Variants in TENM3 observed in about 807,000 individuals in gnomAD.
TENM3 encodes the protein teneurin-3.
TENM3 carries 63 observed loss-of-function variants against 255.1 expected under a neutral mutation model. That is an observed-to-expected ratio of 0.25 (90% CI 0.20 to 0.30). The LOEUF (loss-of-function observed/expected upper bound fraction) is 0.30. Among genes scored for constraint, TENM3 ranks in the 10% least tolerant of loss-of-function variants. The pLI, the probability that TENM3 is intolerant of heterozygous loss-of-function variation, is 1.00. For synonymous variants in TENM3, 1,306 were observed against 1,322.3 expected, an observed-to-expected ratio of 0.99 and a Z score of 0.27; for missense variants, 2,929 against 3,461.1, an observed-to-expected ratio of 0.85 and a Z score of 3.86.
At chr4:182,335,374 A>G (rs1249196870) in intron 2 of TENM3, among the ~76,000 whole-genome samples, 1 of 145,798 alleles carries the variant, frequency 6.9e-6, no homozygotes. Flanking sequence ...AGGCGCCTGT[A>G]GTCCCAGCTG....
the TENM3 span, among the ~76,000 whole-genome samples, chr4:181,718,935 G>A: frequency 2.0e-5 from 3 of 152,146 alleles, no homozygotes; most frequent in African/African-American, 4.8e-5. Flanking sequence ...GGCCGGGCGC[G>A]GCGGCTCACG....
At chr4:182,186,619 C>T (rs1753167023) in intron 1 of TENM3, among the ~76,000 whole-genome samples, 1 of 150,446 alleles carries the variant, frequency 6.6e-6, no homozygotes, top group African/African-American at 2.4e-5. Flanking sequence ...TTTCACACAG[C>T]CAATGTATTG....
chr4:182,197,414 A>G (rs932894717), intron 1 of TENM3, among the ~76,000 whole-genome samples: 2 of 152,206 alleles, frequency 1.3e-5, no homozygotes, highest in African/African-American at 4.8e-5. Flanking sequence ...TAACAAAAGA[A>G]GTTCAGGGGT....
the TENM3 span, among the ~76,000 whole-genome samples, chr4:181,619,316 G>A: frequency 6.6e-6 from 1 of 152,092 alleles, no homozygotes; most frequent in Non-Finnish European, 1.5e-5. Flanking sequence ...GATCCTGTTT[G>A]TGTGATCTAT....
At chr4:181,466,176 G>C in the TENM3 span, among the ~76,000 whole-genome samples, 4 of 146,110 alleles carry the variant, frequency 2.7e-5, no homozygotes, top group Non-Finnish European at 6.0e-5. Flanking sequence ...AGAGTGTAAT[G>C]GTGCGATCTC....
At chr4:181,585,503 T>C in the TENM3 span, among the ~76,000 whole-genome samples, 1 of 152,202 alleles carries the variant, frequency 6.6e-6, no homozygotes, top group African/African-American at 2.4e-5. Flanking sequence ...TTAAATGTGA[T>C]GATATACTAA....
intron 3 of TENM3, among the ~76,000 whole-genome samples, chr4:182,567,821 T>TC: frequency 9.6e-6 from 1 of 104,680 alleles, no homozygotes; most frequent in East Asian, 2.8e-4. Context: ...ATTAATTGTC[T>TC]CCCCCCAATA....
At chr4:181,713,267 G>C in the TENM3 span, among the ~76,000 whole-genome samples, 1 of 152,202 alleles carries the variant, frequency 6.6e-6, no homozygotes, top group Non-Finnish European at 1.5e-5. Context: ...AATAAGAGCA[G>C]GTCTGCATCT....
intron 3 of TENM3, among the ~76,000 whole-genome samples, chr4:182,356,530 T>A (rs1765545109): frequency 6.6e-6 from 1 of 151,836 alleles, no homozygotes; most frequent in Non-Finnish European, 1.5e-5. Flanking sequence ...TTGGAGGACA[T>A]TTCAGCATCT....
At chr4:181,580,330 G>A in the TENM3 span, among the ~76,000 whole-genome samples, 5 of 152,040 alleles carry the variant, frequency 3.3e-5, no homozygotes, top group African/African-American at 9.7e-5. Context: ...GGGAGCACAC[G>A]GTGGTGGCTT....
rs1755361213 is a variant in TENM3 at position 182,673,114 on chromosome 4, G to C, written c.1221G>C (p.Gln407His). Residue 407 changes from glutamine to histidine, a missense_variant, in exon 7 of 28, where the codon CAG becomes CAC. Coordinates refer to ENST00000511685, the MANE Select transcript of TENM3 (RefSeq NM_001080477.4). ...EIPPGIFWRS[Q>H]LFIDQPQFLK... Reference sequence around the variant, plus strand: ...CTCCCGGGATCTTCTGGAGATCACAGCTCTTCATTGATCAGCCACAGTTTC... The same window carrying C: ...CTCCCGGGATCTTCTGGAGATCACACCTCTTCATTGATCAGCCACAGTTTC... 2 of 1,613,262 alleles carry C rather than the reference G, an allele frequency of 1.2e-6. No individual in the cohort carries two copies. The highest frequency in any genetic ancestry group is 1.7e-6 in the Non-Finnish European group (2 of 1,179,466).
upstream of TENM3, among the ~76,000 whole-genome samples, chr4:182,140,985 ATCCCT>A (rs1749364377): frequency 8.3e-6 from 1 of 119,948 alleles, no homozygotes; most frequent in Non-Finnish European, 1.8e-5. Flanking sequence ...GGCCCATTAT[ATCCCT>A]CCCCCCCGCC....
chr4:181,659,536 A>C, the TENM3 span, among the ~76,000 whole-genome samples: 1 of 152,222 alleles, frequency 6.6e-6, no homozygotes, highest in African/African-American at 2.4e-5. Context: ...CAATTTTCTC[A>C]GTGCATTTCC....
chr4:182,052,478 AG>A, the TENM3 span, among the ~76,000 whole-genome samples: 1 of 152,160 alleles, frequency 6.6e-6, no homozygotes, highest in Admixed American at 6.6e-5. Flanking sequence ...CTCAAGGGCC[AG>A]CTGGGCTGTT....
chr4:182,281,511 TTGG>T (rs1343699330), intron 1 of TENM3, among the ~76,000 whole-genome samples: 2 of 152,006 alleles, frequency 1.3e-5, no homozygotes, highest in African/African-American at 4.8e-5. Flanking sequence ...TTTTTTGTTG[TTGG>T]TGGTGGTGGT....
the TENM3 span, among the ~76,000 whole-genome samples, chr4:182,114,139 T>C: frequency 3.9e-5 from 6 of 152,234 alleles, no homozygotes; most frequent in Non-Finnish European, 7.3e-5. Flanking sequence ...TGTCTATATC[T>C]AAACCACTAT....
intron 12 of TENM3, among the ~76,000 whole-genome samples, chr4:182,701,169 A>T (rs1228471232): frequency 1.4e-5 from 2 of 146,528 alleles, no homozygotes; most frequent in Non-Finnish European, 3.0e-5. Context: ...CTGAACAATA[A>T]GGGGTAAAAT....
the TENM3 span, among the ~76,000 whole-genome samples, chr4:182,071,514 C>T: frequency 6.7e-6 from 1 of 148,586 alleles, no homozygotes; most frequent in Non-Finnish European, 1.5e-5. Flanking sequence ...GGCGCGATCT[C>T]GGCTCGCTGC....
chr4:182,506,217 G>A (rs1736804105), intron 3 of TENM3, among the ~76,000 whole-genome samples: 1 of 152,160 alleles, frequency 6.6e-6, no homozygotes, highest in African/African-American at 2.4e-5. Context: ...TTTATAATGT[G>A]TAAGCCCCTT....
Sources: gnomAD v4.1 joint callset for allele counts (sites outside exome capture counted in the v4.1 genomes callset) on GRCh38, gnomAD v4.1.1 for gene constraint, MANE v1.5 for transcripts, NCBI Gene and HGNC (gene_info 2026-07-23, HGNC 2026-07-21) for gene names.